The following KCNAB1 variants were observed in gnomAD, a reference collection of about 807,000 sequenced individuals.
The protein encoded by KCNAB1 is voltage-gated potassium channel subunit beta-1.
In KCNAB1, 35 loss-of-function variants were observed where a neutral mutation model predicts 64.6. That is an observed-to-expected ratio of 0.54 (90% CI 0.41 to 0.72). The LOEUF (loss-of-function observed/expected upper bound fraction) is 0.72. Ranked by LOEUF, KCNAB1 falls within the 30% of genes least tolerant of loss-of-function variation. The pLI is 0.00. For synonymous variants in KCNAB1, 177 were observed against 183.8 expected (o/e 0.96, Z 0.30); for missense variants, 401 against 512.9 (o/e 0.78, Z 2.11).
At chr3:156,480,427 A>C (rs1319515654) in intron 8 of KCNAB1, among the ~76,000 whole-genome samples, 2 of 152,092 alleles carry the variant, frequency 1.3e-5, no homozygotes, top group Non-Finnish European at 2.9e-5. Context: ...TACCTAATTC[A>C]TGCAGGGTAT....
chr3:156,338,309 T>A (rs1190012245), intron 1 of KCNAB1, among the ~76,000 whole-genome samples: 1 of 100,768 alleles, frequency 9.9e-6, no homozygotes. Flanking sequence ...TGCACTTTTT[T>A]TTTTTTTTTT....
At chr3:156,212,097 G>A (rs867140771) in intron 1 of KCNAB1, among the ~76,000 whole-genome samples, 39 of 152,280 alleles carry the variant, frequency 2.6e-4, no homozygotes, top group African/African-American at 8.2e-4. Context: ...CACCATGTTA[G>A]TTCAGTGAAT....
At chr3:156,459,101 T>A (rs1712684528) in intron 4 of KCNAB1, among the ~76,000 whole-genome samples, 1 of 152,202 alleles carries the variant, frequency 6.6e-6, no homozygotes, top group African/African-American at 2.4e-5. Flanking sequence ...TGATCTCCCA[T>A]TCACTAAGCC....
chr3:156,508,864 A>T lies in KCNAB1; in HGVS notation c.659-5500A>T, dbSNP rs1716996805. ...AGCGCTGGGGAGGCATCATTAGGTTAAAGAATAATGATTATTTCAACCTGG... is the reference window on the plus strand; with the variant it reads ...AGCGCTGGGGAGGCATCATTAGGTTTAAGAATAATGATTATTTCAACCTGG... On this transcript the variant is annotated intron_variant, in intron 8 of 13. Coordinates refer to ENST00000490337, the MANE Select transcript of KCNAB1 (RefSeq NM_172160.3). This position sits in a 1 kb window ranked among gnomAD's most constrained non-coding sequence, Gnocchi z 4.1. Among the ~76,000 whole-genome samples, 1 of 152,212 alleles carries T rather than the reference A, an allele frequency of 6.6e-6. No individual in the cohort carries two copies. The highest frequency in any genetic ancestry group is 1.5e-5 in the Non-Finnish European group (1 of 68,038).
intron 1 of KCNAB1, among the ~76,000 whole-genome samples, chr3:156,232,842 A>T (rs1416324698): frequency 6.6e-6 from 1 of 152,250 alleles, no homozygotes; most frequent in African/African-American, 2.4e-5. Context: ...ATAAAATTGG[A>T]ATATAAAAGT....
chr3:156,141,396 A>G (rs1714699540), intron 1 of KCNAB1, among the ~76,000 whole-genome samples: 1 of 152,174 alleles, frequency 6.6e-6, no homozygotes. Flanking sequence ...AGCCATAGCC[A>G]TCTTCTTCCC....
At chr3:156,532,294 G>T (rs371472594) in intron 13 of KCNAB1, among the ~76,000 whole-genome samples, 34 of 152,102 alleles carry the variant, frequency 2.2e-4, no homozygotes, top group African/African-American at 8.2e-4. Context: ...GCTCTAACTA[G>T]AGGGGTGGAG....
At chr3:156,260,311 A>G (rs371485542) in intron 1 of KCNAB1, among the ~76,000 whole-genome samples, 18 of 152,338 alleles carry the variant, frequency 1.2e-4, no homozygotes, top group African/African-American at 3.6e-4. Flanking sequence ...CTCAAAATAA[A>G]TGTACAATTC....
intron 2 of KCNAB1, among the ~76,000 whole-genome samples, chr3:156,425,957 A>G (rs962415699): frequency 6.6e-6 from 1 of 152,174 alleles, no homozygotes; most frequent in African/African-American, 2.4e-5. Context: ...GACAGGAAGC[A>G]ATGCAAGCAA....
chr3:156,146,074 G>C (rs1019053608), intron 1 of KCNAB1, among the ~76,000 whole-genome samples: 1 of 152,060 alleles, frequency 6.6e-6, no homozygotes, highest in African/African-American at 2.4e-5. Context: ...TGGGTCCCTC[G>C]ATCATCTGTG....
At chr3:156,234,178 C>G (rs756653042) in intron 1 of KCNAB1, among the ~76,000 whole-genome samples, 20 of 151,952 alleles carry the variant, frequency 1.3e-4, no homozygotes, top group Non-Finnish European at 2.8e-4. Context: ...CAGCATTGAA[C>G]AGTGAGAGGA....
At chr3:156,378,054 A>G (rs1179847594) in intron 1 of KCNAB1, among the ~76,000 whole-genome samples, 2 of 152,130 alleles carry the variant, frequency 1.3e-5, no homozygotes. Context: ...ATGGACATGC[A>G]GGGAGCCTTT....
At chr3:156,124,048 A>G (rs1410164174) in intron 1 of KCNAB1, among the ~76,000 whole-genome samples, 1 of 152,082 alleles carries the variant, frequency 6.6e-6, no homozygotes, top group Non-Finnish European at 1.5e-5. Flanking sequence ...TATCTTAAAA[A>G]CTATTTAAAA....
At chr3:156,354,142 A>ATATATATATATATATG (rs1491445238) in intron 1 of KCNAB1, among the ~76,000 whole-genome samples, 1 of 123,160 alleles carries the variant, frequency 8.1e-6, no homozygotes, top group Non-Finnish European at 1.8e-5. Context: ...ATATATATAT[A>ATATATATATATATATG]TGTGTATATA....
Position 156,486,226 on chromosome 3 carries a change from C to G in KCNAB1, c.658+11406C>G, listed in dbSNP as rs141443624. 2.8e-3 allele frequency among the ~76,000 whole-genome samples: 423 copies of G among 152,268 alleles called. 1 individual carries two copies. The highest frequency in any genetic ancestry group is 9.7e-3 in the African/African-American group (402 of 41,568). Reference sequence around the variant, plus strand: ...GCTGTGAGACGGTGCTTTCCTGATTCCATCAGCTCCTCTTTCTTTAGGAGT... The same window carrying G: ...GCTGTGAGACGGTGCTTTCCTGATTGCATCAGCTCCTCTTTCTTTAGGAGT... On this transcript the variant is annotated intron_variant, in intron 8 of 13. Coordinates refer to ENST00000490337, the MANE Select transcript of KCNAB1 (RefSeq NM_172160.3).
intron 1 of KCNAB1, among the ~76,000 whole-genome samples, chr3:156,324,529 T>C (rs1722852462): frequency 6.6e-6 from 1 of 152,156 alleles, no homozygotes; most frequent in South Asian, 2.1e-4. Context: ...CAATAGATAC[T>C]ATTGAGCACC....
rs1466729885 is a variant in KCNAB1 at position 156,374,384 on chromosome 3, T to A, written c.276-47232T>A. Among the ~76,000 whole-genome samples, 3 of 85,282 alleles carry A rather than the reference T, an allele frequency of 3.5e-5. 1 individual carries two copies. Among genetic ancestry groups the A allele is most frequent in the African/African-American group, 1.8e-4 (2 of 11,368 alleles). The allele number at this position is 85,282 out of a possible 152,430, so 55.9% of individuals were successfully genotyped here. A position where few individuals can be genotyped will look rare whatever the true frequency, so the allele number is the denominator to read the frequency against. On this transcript the variant is annotated intron_variant, in intron 1 of 13. Transcript: ENST00000490337. ...TTGGTCTCCTCACTAATTTTGGCCA[T>A]GAATTCCTGAGCTATTTCAGTGTTG... is the stretch of plus-strand genomic sequence containing the variant.
intron 1 of KCNAB1, among the ~76,000 whole-genome samples, chr3:156,156,986 A>T (rs1715764304): frequency 6.6e-6 from 1 of 152,196 alleles, no homozygotes; most frequent in African/African-American, 2.4e-5. Context: ...GGAACCAGCA[A>T]TGGAAACTGA....
At chr3:156,224,343 C>T (rs1047711797) in intron 1 of KCNAB1, among the ~76,000 whole-genome samples, 9 of 152,368 alleles carry the variant, frequency 5.9e-5, no homozygotes, top group African/African-American at 1.7e-4. Context: ...GAGCCGGCTC[C>T]GGCCTTGGCC....
Sources: gnomAD v4.1 joint callset for allele counts (sites outside exome capture counted in the v4.1 genomes callset) on GRCh38, gnomAD v4.1.1 for gene constraint, Gnocchi (gnomAD v3.1) non-coding constraint, MANE v1.5 for transcripts, NCBI Gene and HGNC (gene_info 2026-07-23, HGNC 2026-07-21) for gene names.